Variants in SLC17A5 observed in about 807,000 individuals in gnomAD.
SLC17A5 encodes sialin.
Under a neutral mutation model 59.4 loss-of-function variants are expected in SLC17A5, and 47 were observed. That is an observed-to-expected ratio of 0.79 (90% CI 0.63 to 1.01). SLC17A5 has a LOEUF of 1.01. SLC17A5 is among the 50% of genes least tolerant of loss of function. The probability of loss-of-function intolerance (pLI) is 0.00; values close to 1 mark genes in which losing one functional copy is unlikely to be tolerated. For missense variants in SLC17A5, 522 were observed against 595.5 expected, an observed-to-expected ratio of 0.88 and a Z score of 1.28; for synonymous variants, 202 against 210.7, an observed-to-expected ratio of 0.96 and a Z score of 0.36.
chr6:73,653,978 G>C lies in SLC17A5; in HGVS notation c.-92C>G. The C allele has an allele frequency of 1.7e-6, 2 of 1,175,052 alleles. No individual in the cohort carries two copies. Among genetic ancestry groups the C allele is most frequent in the Admixed American group, 2.0e-5 (1 of 49,288 alleles). 72.8% of individuals were successfully genotyped at this position (1,175,052 alleles called of 1,614,324 possible). On this transcript the variant is annotated 5_prime_UTR_variant, in exon 1 of 11. Coordinates refer to ENST00000355773, the MANE Select transcript of SLC17A5 (RefSeq NM_012434.5). ...GCCCCCGGGCCGAGCTGGCTGGACCGGGCGGGGCGGGGGCGATGACACCGC... is the reference window on the plus strand; with the variant it reads ...GCCCCCGGGCCGAGCTGGCTGGACCCGGCGGGGCGGGGGCGATGACACCGC...
At chr6:73,622,705 T>C (rs1444632248) in intron 6 of SLC17A5, among the ~76,000 whole-genome samples, 2 of 152,208 alleles carry the variant, frequency 1.3e-5, no homozygotes, top group African/African-American at 4.8e-5. Context: ...CCAATCTTTA[T>C]TCAATTGAAA....
At chr6:73,623,336 G>A (rs1291798649) in intron 6 of SLC17A5, among the ~76,000 whole-genome samples, 1 of 151,262 alleles carries the variant, frequency 6.6e-6, no homozygotes, top group Non-Finnish European at 1.5e-5. Context: ...ACTGCACCTG[G>A]CCTATGTATT....
intron 6 of SLC17A5, among the ~76,000 whole-genome samples, chr6:73,622,978 A>T (rs2150100530): frequency 6.6e-6 from 1 of 152,340 alleles, no homozygotes; most frequent in South Asian, 2.1e-4. Flanking sequence ...AGAGAGGTTA[A>T]TAATGGCATC....
intron 1 of SLC17A5, 82 bp downstream of exon 1, chr6:73,653,711 G>A (rs1033368418): frequency 3.7e-6 from 5 of 1,368,020 alleles, no homozygotes; most frequent in African/African-American, 2.9e-5. Context: ...CAGGGTGCGG[G>A]TACCCGGGCC....
intron 6 of SLC17A5, among the ~76,000 whole-genome samples, chr6:73,627,995 C>T (rs1768519058): frequency 6.6e-6 from 1 of 151,390 alleles, no homozygotes; most frequent in African/African-American, 2.4e-5. Flanking sequence ...ATCACGGCTA[C>T]TGCAACCTCA....
At chr6:73,599,544 A>G (rs1581952507) in intron 10 of SLC17A5, among the ~76,000 whole-genome samples, 1 of 152,266 alleles carries the variant, frequency 6.6e-6, no homozygotes, top group East Asian at 1.9e-4. Flanking sequence ...GAGCTGACTT[A>G]GGTTCTGGTG....
At chr6:73,636,859 T>C (rs1769029313) in intron 4 of SLC17A5, 152 bp from the exon 5 acceptor site, 1 of 669,886 alleles carries the variant, frequency 1.5e-6, no homozygotes, top group East Asian at 2.6e-5. Flanking sequence ...TGTGGGTGGA[T>C]CACCTGAGCC....
At chr6:73,602,118 C>A (rs888852367) in intron 9 of SLC17A5, among the ~76,000 whole-genome samples, 22 of 151,770 alleles carry the variant, frequency 1.4e-4, no homozygotes, top group African/African-American at 5.1e-4. Context: ...GCCTTGGGAT[C>A]CTGTTGATCG....
intron 9 of SLC17A5, among the ~76,000 whole-genome samples, chr6:73,610,188 C>T (rs1403634361): frequency 6.6e-6 from 1 of 152,118 alleles, no homozygotes; most frequent in African/African-American, 2.4e-5. Context: ...TGCCCGCCAT[C>T]ATGCCTGGCT....
At position 73,653,498 on chromosome 6, in the gene SLC17A5, TCCCCCGCCCCCGCCCCCG is replaced by T. The variant is rs541764103; in HGVS notation, c.94+277_94+294del. ...AGCTCAGCGCCGGCTGCACCGCCGCTCCCCCGCCCCCGCCCCCGCCCCCGCCCCCGCCCGGTGGGGCTG... is the reference window on the plus strand; with the variant it reads ...AGCTCAGCGCCGGCTGCACCGCCGCTCCCCCGCCCCCGCCCGGTGGGGCTG... On this transcript the variant is annotated intron_variant, in intron 1 of 10. Coordinates refer to ENST00000355773, the MANE Select transcript of SLC17A5 (RefSeq NM_012434.5). The T allele has an allele frequency of 2.3e-4, 224 of 954,018 alleles. No homozygotes were observed. In the Admixed American group the frequency reaches 2.6e-3, roughly 11 times the overall value. The allele number at this position is 954,018 out of a possible 1,614,324, so 59.1% of individuals were successfully genotyped here. A position where few individuals can be genotyped will look rare whatever the true frequency, so the allele number is the denominator to read the frequency against.
chr6:73,610,402 A>T lies in SLC17A5; in HGVS notation c.1257T>A (p.Pro419=). The T allele has an allele frequency of 1.2e-6, 2 of 1,614,026 alleles. No individual in the cohort carries two copies. Among genetic ancestry groups the T allele is most frequent in the Non-Finnish European group, 1.7e-6 (2 of 1,179,928 alleles). ...GFSINHLDIA[P]SYAGILLGIT... ...CAAATCTTTATATTAGTACTCACGAAGGAGCAATATCCAGATGGTTGATGC... is the reference window on the plus strand; with the variant it reads ...CAAATCTTTATATTAGTACTCACGATGGAGCAATATCCAGATGGTTGATGC... The change falls in exon 9 of 11, where the codon CCT becomes CCA. Residue 419 remains proline, a splice_region_variant and synonymous_variant. Transcript: ENST00000355773.
rs1485217008 is a variant in SLC17A5, at chr6:73,653,853, C to T, written c.34G>A (p.Asp12Asn). The T allele has an allele frequency of 3.7e-6, 6 of 1,607,100 alleles. No individual in the cohort carries two copies. Among genetic ancestry groups the T allele is most frequent in the South Asian group, 3.3e-5 (3 of 89,858 alleles). Residue 12 changes from aspartate (D) to asparagine (N), a missense_variant, in exon 1 of 11, where the codon GAT (aspartate) becomes AAT (asparagine). Asp to Asn is a conservative substitution (Grantham distance 23). Coordinates refer to ENST00000355773, the MANE Select transcript of SLC17A5 (RefSeq NM_012434.5). ...GTGCGGTCCGTGCTCTCCTCGCCATCGTTCCGGGCCAGGTCTCGAACCGGA... is the reference window on the plus strand; with the variant it reads ...GTGCGGTCCGTGCTCTCCTCGCCATTGTTCCGGGCCAGGTCTCGAACCGGA... ...RSPVRDLARN[D>N]GEESTDRTPL...
At chr6:73,608,565 T>C (rs1160015182) in intron 9 of SLC17A5, among the ~76,000 whole-genome samples, 3 of 152,202 alleles carry the variant, frequency 2.0e-5, no homozygotes, top group African/African-American at 7.2e-5. Flanking sequence ...TACAATTAAG[T>C]GAATCAATAG....
intron 9 of SLC17A5, among the ~76,000 whole-genome samples, chr6:73,603,420 C>CTTT (rs61490134): frequency 9.4e-4 from 126 of 133,986 alleles, no homozygotes; most frequent in African/African-American, 3.5e-3. Flanking sequence ...ATTGCTGCCT[C>CTTT]TTTTTTTTTT....
intron 10 of SLC17A5, among the ~76,000 whole-genome samples, chr6:73,598,902 G>A (rs200907944): frequency 6.6e-6 from 1 of 151,566 alleles, no homozygotes; most frequent in East Asian, 1.9e-4. Flanking sequence ...GAAAATCGCC[G>A]GAACCCGGGA....
At chr6:73,620,744 CAG>C (rs889390639) in intron 7 of SLC17A5, among the ~76,000 whole-genome samples, 2 of 150,114 alleles carry the variant, frequency 1.3e-5, no homozygotes, top group Non-Finnish European at 3.0e-5. Context: ...TTTCCTGGGA[CAG>C]AGTCTTGTTC....
intron 1 of SLC17A5, among the ~76,000 whole-genome samples, chr6:73,648,004 G>A (rs2150123533): frequency 6.6e-6 from 1 of 152,296 alleles, no homozygotes; most frequent in East Asian, 1.9e-4. Context: ...GGGAGGTGGA[G>A]GTTGCAGTGA....
chr6:73,596,859 A>AAACAAAACAT (rs577708444), intron 10 of SLC17A5, among the ~76,000 whole-genome samples: 218 of 150,068 alleles, frequency 1.5e-3, no homozygotes, highest in African/African-American at 4.9e-3. Context: ...TCCCTCTCAA[A>AAACAAAACAT]AACAAAACAA....
At chr6:73,639,861 C>A (rs1379940609) in intron 3 of SLC17A5, among the ~76,000 whole-genome samples, 1 of 152,118 alleles carries the variant, frequency 6.6e-6, no homozygotes, top group African/African-American at 2.4e-5. Flanking sequence ...GCCTGGCCAA[C>A]ATGGTGAAAC....
Sources: allele counts gnomAD v4.1 joint callset (sites outside exome capture counted in the v4.1 genomes callset), GRCh38; gene constraint gnomAD v4.1.1; transcripts MANE v1.5; gene names NCBI Gene and HGNC (gene_info 2026-07-23, HGNC 2026-07-21).